TLK2: variants seen among roughly 807,000 people sequenced by gnomAD.
TLK2 encodes tousled like kinase 2.
Under a neutral mutation model 117.3 loss-of-function variants are expected in TLK2, and 6 were observed. The observed-to-expected ratio is 0.05, with a 90% CI of 0.03 to 0.10. The LOEUF (loss-of-function observed/expected upper bound fraction) is 0.10, where lower values mean the gene tolerates loss of function less well. Among genes scored for constraint, TLK2 ranks in the 10% least tolerant of loss-of-function variants. The probability of loss-of-function intolerance (pLI) is 1.00; values close to 1 mark genes in which losing one functional copy is unlikely to be tolerated. For missense variants in TLK2, 299 were observed against 901.2 expected, an observed-to-expected ratio of 0.33 and a Z score of 8.56; for synonymous variants, 257 against 316.7, an observed-to-expected ratio of 0.81 and a Z score of 2.00.
intron 6 of TLK2, among the ~76,000 whole-genome samples, 154 bp from the exon 7 acceptor site, chr17:62,536,015 TA>T (rs1328316760): frequency 6.6e-6 from 1 of 152,190 alleles, no homozygotes; most frequent in East Asian, 1.9e-4. Flanking sequence ...AATACAATGA[TA>T]ATGTTGGTAT....
intron 2 of TLK2, among the ~76,000 whole-genome samples, chr17:62,511,553 A>G (rs1345822922): frequency 6.6e-6 from 1 of 152,086 alleles, no homozygotes; most frequent in African/African-American, 2.4e-5. Flanking sequence ...AATTTTTTGT[A>G]GAGACAGGGT....
rs1320702550 is a variant in TLK2, at chr17:62,535,630, G to A, written c.364-540G>A. Among the ~76,000 whole-genome samples, 32 of 152,042 alleles carry A rather than the reference G, an allele frequency of 2.1e-4. No homozygotes were observed. In the South Asian group the frequency reaches 5.2e-3, roughly 25 times the overall value. ...AAAAATACAAAAAAATTAGCCAGGC[G>A]TGGTGGCAGGCACCTGTAATCCCAG... On this transcript the variant is annotated intron_variant, in intron 6 of 21. Transcript: ENST00000346027.
intron 6 of TLK2, among the ~76,000 whole-genome samples, chr17:62,535,778 A>G (rs2077068387): frequency 6.6e-6 from 1 of 151,358 alleles, no homozygotes. Context: ...CCATCTCAAA[A>G]AAAAAAGAAA....
At chr17:62,535,642 A>C (rs2145830189) in intron 6 of TLK2, among the ~76,000 whole-genome samples, 1 of 151,906 alleles carries the variant, frequency 6.6e-6, no homozygotes, top group Non-Finnish European at 1.5e-5. Context: ...GGTGGCAGGC[A>C]CCTGTAATCC....
At chr17:62,476,143 C>A (rs1257707808), upstream of TLK2, among the ~76,000 whole-genome samples, 2 of 151,810 alleles carry the variant, frequency 1.3e-5, no homozygotes, top group Non-Finnish European at 2.9e-5. Context: ...CTATGCCGAG[C>A]TAATTTTTGT....
intron 6 of TLK2, among the ~76,000 whole-genome samples, chr17:62,525,385 G>A (rs2076302461): frequency 6.6e-6 from 1 of 151,512 alleles, no homozygotes; most frequent in Non-Finnish European, 1.5e-5. Context: ...GAAAACATAA[G>A]TTAAACTTAT....
Position 62,562,862 on chromosome 17 carries a change from A to G in TLK2, c.832-2139A>G, listed in dbSNP as rs1314577291. On this transcript the variant is annotated intron_variant, in intron 10 of 21. Transcript: ENST00000346027. Reference sequence around the variant, plus strand: ...TGGCCGGGCATGGTGACTCACACCTATAATCCCAGCACTTTGGGAGGCTCA... The same window carrying G: ...TGGCCGGGCATGGTGACTCACACCTGTAATCCCAGCACTTTGGGAGGCTCA... Among the ~76,000 whole-genome samples the G allele has an allele frequency of 2.0e-5, 3 of 152,078 alleles. No individual in the cohort carries two copies. The East Asian group carries it at 5.8e-4, about 29-fold the overall frequency.
intron 1 of TLK2, among the ~76,000 whole-genome samples, chr17:62,473,131 C>T (rs572789352): frequency 2.6e-5 from 4 of 152,260 alleles, no homozygotes; most frequent in African/African-American, 9.6e-5. Context: ...GGGAAGGAGT[C>T]CTTTTTCCTC....
rs887155894 is a variant in TLK2 at position 62,565,599 on chromosome 17, C to G, written c.968+462C>G. ...CCTGGGAGGTGGAGGTTGCAGTGAGCCGAGATCGTACCACTGCACTCCAGC... is the reference window on the plus strand; with the variant it reads ...CCTGGGAGGTGGAGGTTGCAGTGAGGCGAGATCGTACCACTGCACTCCAGC... On this transcript the variant is annotated intron_variant, in intron 11 of 21. Coordinates refer to ENST00000346027, the MANE Select transcript of TLK2 (RefSeq NM_006852.6). 4.9e-5 allele frequency among the ~76,000 whole-genome samples: 7 copies of G among 143,138 alleles called. No individual in the cohort carries two copies. In the South Asian group the frequency reaches 1.5e-3, roughly 31 times the overall value. The allele number at this position is 143,138 out of a possible 152,430, so 93.9% of individuals were successfully genotyped here.
intron 10 of TLK2, 119 bp downstream of exon 10, chr17:62,560,245 T>C (rs2079158214): frequency 1.4e-6 from 1 of 740,674 alleles, no homozygotes; most frequent in African/African-American, 1.8e-5. Context: ...TTTAGGAACA[T>C]GATTTGACAA....
chr17:62,507,506 G>A (rs1373022869), intron 2 of TLK2: 1 of 152,000 alleles, frequency 6.6e-6, no homozygotes, highest in Non-Finnish European at 1.5e-5. Flanking sequence ...TTTTTAAATG[G>A]CGTTATCTTC....
intron 2 of TLK2, among the ~76,000 whole-genome samples, chr17:62,494,049 T>A (rs1167517505): frequency 6.6e-6 from 1 of 152,212 alleles, no homozygotes; most frequent in Non-Finnish European, 1.5e-5. Flanking sequence ...GCTAATTTGC[T>A]ATCCAGATTT....
chr17:62,479,520 C>G (rs1463530117), intron 1 of TLK2, among the ~76,000 whole-genome samples: 3 of 152,002 alleles, frequency 2.0e-5, no homozygotes, highest in Non-Finnish European at 4.4e-5. Context: ...TTGGGGCCGG[C>G]GGCCGGAGGA....
intron 2 of TLK2, among the ~76,000 whole-genome samples, chr17:62,489,173 A>ATGTG (rs1598155332): frequency 1.2e-4 from 8 of 69,042 alleles, no homozygotes; most frequent in Non-Finnish European, 2.4e-4. Flanking sequence ...ATTTAATTGT[A>ATGTG]CGTGTGTGTG....
At position 62,596,581 on chromosome 17, in the gene TLK2, A is replaced by G. The variant is rs1197470054; in HGVS notation, c.1461-4A>G. On this transcript the variant is annotated splice_polypyrimidine_tract_variant and splice_region_variant and intron_variant, in intron 16 of 21. Coordinates refer to ENST00000346027, the MANE Select transcript of TLK2 (RefSeq NM_006852.6). ...TTCTTGTTAATTTTCCCTTTTGTTT[A>G]CAGGCATGCATGTAGGGAATACCGG... 1 of 1,612,852 alleles carries G rather than the reference A, an allele frequency of 6.2e-7. No homozygotes were observed. Among genetic ancestry groups the G allele is most frequent in the East Asian group, 2.2e-5 (1 of 44,866 alleles).
intron 19 of TLK2, 112 bp from the exon 20 acceptor site, chr17:62,606,005 CCAAAAAAAAAAAA>C (rs993195045): frequency 5.5e-5 from 17 of 308,176 alleles, no homozygotes; most frequent in Admixed American, 1.4e-4. Context: ...GACCCTGTCT[CCAAAAAAAAAAAA>C]AAAAAAAACG....
chr17:62,472,156 T>G (rs1216593541), intron 1 of TLK2, among the ~76,000 whole-genome samples: 2 of 151,698 alleles, frequency 1.3e-5, no homozygotes, highest in Admixed American at 1.3e-4. Context: ...TCCGCCTGCC[T>G]CAGCCTCCCA....
chr17:62,586,311 T>C (rs1391351893), intron 16 of TLK2, 85 bp downstream of exon 16: 2 of 923,506 alleles, frequency 2.2e-6, no homozygotes, highest in Non-Finnish European at 3.4e-6. Flanking sequence ...ACGTGCATTG[T>C]TGTTGGTTTT....
At chr17:62,593,663 A>G (rs1006396571) in intron 16 of TLK2, among the ~76,000 whole-genome samples, 6 of 152,194 alleles carry the variant, frequency 3.9e-5, no homozygotes, top group African/African-American at 7.2e-5. Context: ...TTCAGGGCCA[A>G]TAACATGCAT....
Sources: gnomAD v4.1 joint callset for allele counts (sites outside exome capture counted in the v4.1 genomes callset) on GRCh38, gnomAD v4.1.1 for gene constraint, MANE v1.5 for transcripts, NCBI Gene and HGNC (gene_info 2026-07-23, HGNC 2026-07-21) for gene names.